The following EIF3H variants were observed in gnomAD, a reference collection of about 807,000 sequenced individuals.
EIF3H encodes eIF-3-gamma.
Under a neutral mutation model 44.2 loss-of-function variants are expected in EIF3H, and 26 were observed. That is an observed-to-expected ratio of 0.59 (90% confidence interval 0.43 to 0.82). EIF3H has a LOEUF of 0.82. Among genes scored for constraint, EIF3H ranks in the 40% least tolerant of loss-of-function variants. The pLI is 0.00. For synonymous variants in EIF3H, 166 were observed against 151.9 expected (o/e 1.09, Z -0.68); for missense variants, 359 against 432.8 (o/e 0.83, Z 1.51).
At chr8:116,707,569 T>C (rs991205689) in intron 2 of EIF3H, among the ~76,000 whole-genome samples, 1 of 90,248 alleles carries the variant, frequency 1.1e-5, no homozygotes, top group Non-Finnish European at 2.4e-5. Context: ...GAGATACTTA[T>C]TTGATAATAT....
At position 116,674,893 on chromosome 8, in the gene EIF3H, T is replaced by G. The variant is rs79860024; in HGVS notation, c.290-15913A>C. On this transcript the variant is annotated intron_variant, in intron 2 of 7. Coordinates refer to ENST00000521861, the MANE Select transcript of EIF3H (RefSeq NM_003756.3). ...TAGAGTTCAGGTGCAAAAAAAGTTG[T>G]TTTTTTTTAGATGTTTTTACAAGGT... is the stretch of plus-strand genomic sequence containing the variant. Among the ~76,000 whole-genome samples the G allele has an allele frequency of 3.7e-3, 531 of 143,026 alleles. 13 individuals are homozygous for G. The East Asian group carries it at 0.058, about 16-fold the overall frequency. The allele number at this position is 143,026 out of a possible 152,430, so 93.8% of individuals were successfully genotyped here.
intron 2 of EIF3H, among the ~76,000 whole-genome samples, chr8:116,663,161 TTCACTC>T (rs1431762661): frequency 6.6e-6 from 1 of 152,148 alleles, no homozygotes; most frequent in Non-Finnish European, 1.5e-5. Flanking sequence ...GTTTTGGTAT[TTCACTC>T]TCGAGAAATA....
intron 4 of EIF3H, 40 bp downstream of exon 4, chr8:116,657,175 A>G (rs1371987248): frequency 6.5e-7 from 1 of 1,538,076 alleles, no homozygotes; most frequent in African/African-American, 1.4e-5. Flanking sequence ...TCTTAACAGA[A>G]AAATACCCAA....
chr8:116,689,472 T>C (rs1229526492), intron 2 of EIF3H, among the ~76,000 whole-genome samples: 1 of 152,160 alleles, frequency 6.6e-6, no homozygotes, highest in Non-Finnish European at 1.5e-5. Context: ...CAAGTGAGGG[T>C]AATGTTTTAC....
At chr8:116,752,673 A>G (rs1429305041) in intron 1 of EIF3H, among the ~76,000 whole-genome samples, 75 of 39,368 alleles carry the variant, frequency 1.9e-3, no homozygotes, top group African/African-American at 5.7e-3. Flanking sequence ...ATGAAGAAAG[A>G]AAGAAAGAAA....
intron 2 of EIF3H, among the ~76,000 whole-genome samples, chr8:116,690,382 A>G (rs2130859627): frequency 6.6e-6 from 1 of 151,956 alleles, no homozygotes; most frequent in East Asian, 1.9e-4. Flanking sequence ...TAAACTAGAA[A>G]AAAAAAAACC....
At chr8:116,682,125 T>C (rs1489434799) in intron 2 of EIF3H, among the ~76,000 whole-genome samples, 3 of 152,180 alleles carry the variant, frequency 2.0e-5, no homozygotes, top group Admixed American at 1.3e-4. Context: ...ATGTCCATTA[T>C]ACTCAAAGGA....
intron 2 of EIF3H, among the ~76,000 whole-genome samples, chr8:116,707,748 C>T (rs1814495220): frequency 6.6e-6 from 1 of 152,130 alleles, no homozygotes; most frequent in Admixed American, 6.5e-5. Context: ...TTTATATCAA[C>T]ACACCTCTGC....
At chr8:116,672,767 C>A (rs1276532116) in intron 2 of EIF3H, among the ~76,000 whole-genome samples, 1 of 152,018 alleles carries the variant, frequency 6.6e-6, no homozygotes, top group Non-Finnish European at 1.5e-5. Context: ...TATGTGGGTT[C>A]CCTGACAGAA....
Position 116,646,670 on chromosome 8 carries a change from C to A in EIF3H, c.829-67G>T. ...CTGAGGAGGAAAAAAAGATGTCCTT[C>A]CCCTACACAACCAGCAGAACCCCAC... On this transcript the variant is annotated intron_variant, in intron 6 of 7. Coordinates refer to ENST00000521861, the MANE Select transcript of EIF3H (RefSeq NM_003756.3). 3 of 1,585,884 alleles carry A rather than the reference C, an allele frequency of 1.9e-6. No homozygotes were observed. The South Asian group carries it at 3.4e-5, about 18-fold the overall frequency.
intron 1 of EIF3H, among the ~76,000 whole-genome samples, chr8:116,735,800 GA>G (rs578239452): frequency 1.9e-3 from 252 of 134,028 alleles, no homozygotes; most frequent in East Asian, 4.1e-3. Context: ...TGGGCATGCA[GA>G]AAAAAAAAAA....
intron 2 of EIF3H, among the ~76,000 whole-genome samples, chr8:116,702,718 AG>A (rs1814398941): frequency 6.6e-6 from 1 of 152,062 alleles, no homozygotes; most frequent in African/African-American, 2.4e-5. Flanking sequence ...GGGGAGGGGG[AG>A]GGTGCACAGA....
intron 2 of EIF3H, among the ~76,000 whole-genome samples, chr8:116,725,792 T>C (rs1230047324): frequency 6.6e-6 from 1 of 151,820 alleles, no homozygotes; most frequent in Non-Finnish European, 1.5e-5. Context: ...CTATGACAAA[T>C]CAGAATCACA....
chr8:116,738,638 C>T lies in EIF3H; in HGVS notation c.133-12466G>A, dbSNP rs554140277. Among the ~76,000 whole-genome samples the T allele has an allele frequency of 5.3e-5, 8 of 152,286 alleles. No homozygotes were observed. In the South Asian group the frequency reaches 1.7e-3, roughly 32 times the overall value. ...TACAATAAACCTTCACCAGGAAAAG[C>T]AGGTTTCCCATCATCTTTGTAACAG... On this transcript the variant is annotated intron_variant, in intron 1 of 7. Transcript: ENST00000521861.
At chr8:116,685,525 AT>A (rs1814061804) in intron 2 of EIF3H, among the ~76,000 whole-genome samples, 2 of 152,122 alleles carry the variant, frequency 1.3e-5, no homozygotes, top group African/African-American at 4.8e-5. Flanking sequence ...TTCCCCAAAT[AT>A]ACTAACCTAG....
chr8:116,693,876 A>C (rs1388055790), intron 2 of EIF3H, among the ~76,000 whole-genome samples: 1 of 151,960 alleles, frequency 6.6e-6, no homozygotes, highest in East Asian at 1.9e-4. Context: ...TGTGTTACCC[A>C]GGCCGGCCTT....
rs2130794905 is a variant in EIF3H, at chr8:116,658,989, T to C, written c.290-9A>G. The C allele has an allele frequency of 6.3e-7, 1 of 1,582,462 alleles. No individual in the cohort carries two copies. On this transcript the variant is annotated splice_polypyrimidine_tract_variant and intron_variant, in intron 2 of 7. Coordinates refer to ENST00000521861, the MANE Select transcript of EIF3H (RefSeq NM_003756.3). ...TTCCATCTGATATTGGACTGGATGA[T>C]GGGGAAGAGGAAATTAAAAGAAAAA...
At chr8:116,746,946 A>T (rs940892637) in intron 1 of EIF3H, among the ~76,000 whole-genome samples, 1 of 152,210 alleles carries the variant, frequency 6.6e-6, no homozygotes, top group African/African-American at 2.4e-5. Context: ...AGAAACATAA[A>T]CCACTCAAGG....
intron 2 of EIF3H, among the ~76,000 whole-genome samples, chr8:116,672,586 T>C (rs571139962): frequency 2.0e-5 from 3 of 151,684 alleles, no homozygotes; most frequent in Non-Finnish European, 2.9e-5. Context: ...GCTATGATCA[T>C]GCCACTGCAC....
Sources: allele counts gnomAD v4.1 joint callset (sites outside exome capture counted in the v4.1 genomes callset), GRCh38; gene constraint gnomAD v4.1.1; transcripts MANE v1.5; gene names NCBI Gene and HGNC (gene_info 2026-07-23, HGNC 2026-07-21).